TENM2: variants seen among roughly 807,000 people sequenced by gnomAD.
TENM2 encodes teneurin-2.
A neutral mutation model predicts 245.2 loss-of-function variants in TENM2; 52 were observed. That is an observed-to-expected ratio of 0.21 (90% CI 0.17 to 0.27). The LOEUF (loss-of-function observed/expected upper bound fraction) is 0.27. Ranked by LOEUF, TENM2 falls within the 10% of genes least tolerant of loss-of-function variation. The pLI is 1.00. For synonymous variants in TENM2, 1,363 were observed against 1,438.9 expected (o/e 0.95, Z 1.19); for missense variants, 3,046 against 3,666.8 (o/e 0.83, Z 4.37).
rs1171573712 is a variant in TENM2, at chr5:168,104,603, C to G, written c.1813+6476C>G. 2.0e-5 allele frequency among the ~76,000 whole-genome samples: 3 copies of G among 152,196 alleles called. No individual in the cohort carries two copies. In the South Asian group the frequency reaches 6.2e-4, roughly 31 times the overall value. On this transcript the variant is annotated intron_variant, in intron 9 of 28. Transcript: ENST00000518659. Reference sequence around the variant, plus strand: ...GATTTACTCTCTTGACCTCACACTGCGCCTCCCGTGCCCTCAGATGTGCAG... The same window carrying G: ...GATTTACTCTCTTGACCTCACACTGGGCCTCCCGTGCCCTCAGATGTGCAG...
intron 2 of TENM2, among the ~76,000 whole-genome samples, chr5:167,507,180 A>G (rs1234789355): frequency 6.6e-6 from 1 of 152,196 alleles, no homozygotes; most frequent in Non-Finnish European, 1.5e-5. Flanking sequence ...AATCGTAGCT[A>G]TCTCTCAAGG....
chr5:167,507,348 G>T (rs143775664), intron 2 of TENM2, among the ~76,000 whole-genome samples: 1 of 152,062 alleles, frequency 6.6e-6, no homozygotes, highest in Non-Finnish European at 1.5e-5. Flanking sequence ...AGGATTTCTC[G>T]TTCTTGGATA....
intron 7 of TENM2, among the ~76,000 whole-genome samples, chr5:168,084,059 G>C (rs115522236): frequency 0.019 from 2,933 of 152,134 alleles, 81 homozygotes; most frequent in African/African-American, 0.067. Flanking sequence ...TAGAATGATG[G>C]CCTCCAGCTA....
At chr5:167,812,182 T>C (rs2150997711) in intron 2 of TENM2, among the ~76,000 whole-genome samples, 1 of 152,288 alleles carries the variant, frequency 6.6e-6, no homozygotes, top group Non-Finnish European at 1.5e-5. Context: ...AATGTAGTAT[T>C]CCTGCAGCAC....
At chr5:167,957,404 G>T (rs933780483) in intron 4 of TENM2, among the ~76,000 whole-genome samples, 1 of 151,914 alleles carries the variant, frequency 6.6e-6, no homozygotes, top group Admixed American at 6.6e-5. Flanking sequence ...TATCTATTTT[G>T]TTAATCTTCT....
chr5:167,013,177 C>G, the TENM2 span, among the ~76,000 whole-genome samples: 1 of 152,066 alleles, frequency 6.6e-6, no homozygotes, highest in Non-Finnish European at 1.5e-5. Flanking sequence ...GAAGAGAGAG[C>G]CTTATCAGGA....
At chr5:167,804,789 C>T (rs1766029705) in intron 2 of TENM2, among the ~76,000 whole-genome samples, 1 of 152,048 alleles carries the variant, frequency 6.6e-6, no homozygotes, top group African/African-American at 2.4e-5. Flanking sequence ...CAGAGGTCTG[C>T]TCCTATTACT....
At chr5:167,084,366 T>TATATACAC in the TENM2 span, among the ~76,000 whole-genome samples, 79 of 114,870 alleles carry the variant, frequency 6.9e-4, 4 homozygotes, top group Non-Finnish European at 1.1e-3. Flanking sequence ...TATATATATA[T>TATATACAC]ACAGATCAGA....
chr5:168,073,346 G>A (rs1180019291), intron 7 of TENM2, among the ~76,000 whole-genome samples: 7 of 152,172 alleles, frequency 4.6e-5, no homozygotes, highest in African/African-American at 7.2e-5. Context: ...TACACAAGGT[G>A]AATCTTTGAG....
At chr5:167,729,634 A>G (rs1209499891) in intron 2 of TENM2, among the ~76,000 whole-genome samples, 1 of 152,212 alleles carries the variant, frequency 6.6e-6, no homozygotes, top group Non-Finnish European at 1.5e-5. Flanking sequence ...TGCAGTTTGG[A>G]AAATGGTCCT....
intron 4 of TENM2, among the ~76,000 whole-genome samples, chr5:167,962,850 A>G (rs1464016913): frequency 6.6e-6 from 1 of 152,186 alleles, no homozygotes; most frequent in African/African-American, 2.4e-5. Context: ...GACACATGGG[A>G]ATTATGGGAA....
At chr5:167,452,244 A>G (rs917680724) in intron 2 of TENM2, among the ~76,000 whole-genome samples, 1 of 152,158 alleles carries the variant, frequency 6.6e-6, no homozygotes, top group African/African-American at 2.4e-5. Flanking sequence ...CTCTTTACAA[A>G]TGTATGTTTA....
At chr5:167,868,011 GC>G (rs981149254) in intron 2 of TENM2, among the ~76,000 whole-genome samples, 3 of 152,188 alleles carry the variant, frequency 2.0e-5, no homozygotes, top group African/African-American at 7.2e-5. Flanking sequence ...TCTGCCCAAT[GC>G]TTATAAACTG....
At chr5:167,491,210 T>C (rs563161241) in intron 2 of TENM2, among the ~76,000 whole-genome samples, 49 of 152,242 alleles carry the variant, frequency 3.2e-4, no homozygotes, top group African/African-American at 1.1e-3. Flanking sequence ...ATATCTAGTA[T>C]TGTTAGATTT....
chr5:168,101,713 A>T (rs1793829290), intron 9 of TENM2, among the ~76,000 whole-genome samples: 1 of 152,236 alleles, frequency 6.6e-6, no homozygotes, highest in Non-Finnish European at 1.5e-5. Flanking sequence ...TAGCTGTTGC[A>T]CACAGTGGAC....
chr5:168,205,198 C>A (rs1168926699), intron 19 of TENM2, among the ~76,000 whole-genome samples: 1 of 152,088 alleles, frequency 6.6e-6, no homozygotes, highest in Non-Finnish European at 1.5e-5. Flanking sequence ...TGATTTCAGA[C>A]CCTCAACTCA....
At chr5:167,944,344 G>A (rs32413) in intron 3 of TENM2, among the ~76,000 whole-genome samples, 64,884 of 151,504 alleles carry the variant, frequency 0.43, 15,046 homozygotes, top group African/African-American at 0.62. Flanking sequence ...TTCCCAGCTC[G>A]CCCTCAGACA....
At chr5:167,724,768 A>G (rs565114500) in intron 2 of TENM2, among the ~76,000 whole-genome samples, 58 of 152,290 alleles carry the variant, frequency 3.8e-4, no homozygotes, top group Non-Finnish European at 7.8e-4. Context: ...CAAGGGTAAA[A>G]GTAAAGTTCA....
At chr5:167,375,304 A>G (rs1002723828) in exon 2 of TENM2, 38 of 1,551,608 alleles carry the variant, frequency 2.4e-5, no homozygotes, top group Non-Finnish European at 3.1e-5. Context: ...CCCTTAGCAC[A>G]GGGTCTGACG....
Sources: gnomAD v4.1 joint callset for allele counts (sites outside exome capture counted in the v4.1 genomes callset) on GRCh38, gnomAD v4.1.1 for gene constraint, MANE v1.5 for transcripts, NCBI Gene and HGNC (gene_info 2026-07-23, HGNC 2026-07-21) for gene names.